Variants in FMN1 observed in about 807,000 individuals in gnomAD.
The protein encoded by FMN1 is formin 1, also known as formin-1.
FMN1 carries 110 observed loss-of-function variants against 132.4 expected under a neutral mutation model. That is an observed-to-expected ratio of 0.83 (90% CI 0.71 to 0.97). The LOEUF (loss-of-function observed/expected upper bound fraction) is 0.97. Among genes scored for constraint, FMN1 ranks in the 50% least tolerant of loss-of-function variants. The pLI is 0.00. For synonymous variants in FMN1, 722 were observed against 651.7 expected, an observed-to-expected ratio of 1.11 and a Z score of -1.64; for missense variants, 1,792 against 1,705.3, an observed-to-expected ratio of 1.05 and a Z score of -0.90.
At chr15:32,945,316 T>A (rs1405763701) in intron 9 of FMN1, among the ~76,000 whole-genome samples, 2 of 152,180 alleles carry the variant, frequency 1.3e-5, no homozygotes, top group Non-Finnish European at 2.9e-5. Flanking sequence ...AGTCCTTTAC[T>A]AAAGCTATTG....
At chr15:33,030,199 A>G (rs769960876) in intron 6 of FMN1, among the ~76,000 whole-genome samples, 1 of 152,202 alleles carries the variant, frequency 6.6e-6, no homozygotes, top group African/African-American at 2.4e-5. Context: ...TTAAGTAAAT[A>G]TAAGAGCCAG....
chr15:32,971,034 A>G (rs2031743636), intron 7 of FMN1, among the ~76,000 whole-genome samples: 2 of 152,192 alleles, frequency 1.3e-5, no homozygotes, highest in African/African-American at 2.4e-5. Context: ...GACTCACACC[A>G]CCTGGTTCAC....
At chr15:33,023,124 G>A (rs890528295) in intron 6 of FMN1, among the ~76,000 whole-genome samples, 38 of 136,498 alleles carry the variant, frequency 2.8e-4, no homozygotes, top group African/African-American at 8.6e-4. Context: ...GTCACCAGCC[G>A]ACTAAATCTG....
intron 5 of FMN1, among the ~76,000 whole-genome samples, chr15:33,082,460 CTT>C: frequency 6.6e-6 from 1 of 152,248 alleles, no homozygotes; most frequent in South Asian, 2.1e-4. Flanking sequence ...GGCCATACCT[CTT>C]TTTAGGGTCT....
chr15:32,889,704 C>G (rs981724707), intron 15 of FMN1, among the ~76,000 whole-genome samples: 9 of 145,318 alleles, frequency 6.2e-5, no homozygotes, highest in Admixed American at 4.1e-4. Flanking sequence ...CCCTAACCTC[C>G]AGCACGTGGG....
chr15:32,890,368 T>C (rs1247498843), intron 15 of FMN1, among the ~76,000 whole-genome samples: 1 of 152,244 alleles, frequency 6.6e-6, no homozygotes, highest in African/African-American at 2.4e-5. Context: ...ATACTGACTG[T>C]ACAAGTTTAC....
At position 32,972,093 on chromosome 15, in the gene FMN1, G is replaced by C. The variant is rs115475092; in HGVS notation, c.2224-2616C>G. 2.5e-3 allele frequency among the ~76,000 whole-genome samples: 384 copies of C among 152,260 alleles called. 1 individual carries two copies. Among genetic ancestry groups the C allele is most frequent in the African/African-American group, 8.6e-3 (358 of 41,550 alleles). ...CCTGACAGAGCGGATATGCCAGGGA[G>C]GCAAATTAATATACGTAAAAGAAAA... On this transcript the variant is annotated intron_variant, in intron 7 of 20. Coordinates refer to ENST00000616417, the MANE Select transcript of FMN1 (RefSeq NM_001277313.2).
intron 4 of FMN1, among the ~76,000 whole-genome samples, chr15:33,107,100 G>T (rs2039516893): frequency 6.6e-6 from 1 of 151,754 alleles, no homozygotes; most frequent in East Asian, 1.9e-4. Flanking sequence ...TAATTAAATA[G>T]CTCTCAGTTT....
chr15:33,125,671 C>CTG (rs1962989135), intron 4 of FMN1, among the ~76,000 whole-genome samples: 3 of 150,848 alleles, frequency 2.0e-5, no homozygotes, highest in Non-Finnish European at 4.4e-5. Flanking sequence ...GAAACCTCGT[C>CTG]TCTACTAAAA....
At chr15:33,143,632 C>A (rs1964095914) in intron 4 of FMN1, among the ~76,000 whole-genome samples, 1 of 152,172 alleles carries the variant, frequency 6.6e-6, no homozygotes, top group African/African-American at 2.4e-5. Context: ...CCATTTTACT[C>A]TGCTGGGTGG....
At chr15:32,867,616 C>A (rs2059421783) in intron 16 of FMN1, among the ~76,000 whole-genome samples, 1 of 152,108 alleles carries the variant, frequency 6.6e-6, no homozygotes, top group East Asian at 1.9e-4. Context: ...ACGCCATTCT[C>A]CTGCCTCAGC....
rs140314788 is a variant in FMN1 at position 32,931,389 on chromosome 15, A to G, written c.3139-5128T>C. ...TTTAAGCAATGTTTTATAGTTTTCA[A>G]AACTAGTCTGTACTAGTCTTTTACC... On this transcript the variant is annotated intron_variant, in intron 9 of 20. Transcript: ENST00000616417. Among the ~76,000 whole-genome samples the G allele has an allele frequency of 4.4e-3, 665 of 152,300 alleles. 2 individuals carry two copies. The highest frequency in any genetic ancestry group is 6.7e-3 in the Admixed American group (102 of 15,294).
intron 4 of FMN1, chr15:33,106,188 A>G (rs769698646): frequency 6.6e-6 from 1 of 151,918 alleles, no homozygotes; most frequent in South Asian, 2.1e-4. Context: ...ACCTGGCCCA[A>G]TATTACTATT....
At chr15:32,794,391 A>G (rs1374650283) in intron 19 of FMN1, among the ~76,000 whole-genome samples, 1 of 152,164 alleles carries the variant, frequency 6.6e-6, no homozygotes, top group Non-Finnish European at 1.5e-5. Flanking sequence ...CCCAGACTTT[A>G]TTCCTGGAGT....
At chr15:32,974,881 T>A (rs939831116) in intron 7 of FMN1, among the ~76,000 whole-genome samples, 25 of 152,222 alleles carry the variant, frequency 1.6e-4, no homozygotes, top group African/African-American at 6.0e-4. Context: ...AAAGGGAATG[T>A]TCCTTCATTG....
chr15:33,042,330 T>G (rs780906511), intron 6 of FMN1, among the ~76,000 whole-genome samples: 3 of 152,146 alleles, frequency 2.0e-5, no homozygotes, highest in Admixed American at 6.5e-5. Flanking sequence ...ATCTATAAAT[T>G]TAATAGAATT....
chr15:32,846,487 G>C (rs1398928071), intron 17 of FMN1, among the ~76,000 whole-genome samples: 2 of 152,158 alleles, frequency 1.3e-5, no homozygotes, highest in African/African-American at 4.8e-5. Context: ...GATCATTAGA[G>C]AAATGCAAAT....
intron 12 of FMN1, among the ~76,000 whole-genome samples, chr15:32,902,796 G>A (rs570358642): frequency 1.3e-5 from 2 of 152,170 alleles, no homozygotes; most frequent in African/African-American, 2.4e-5. Context: ...TGGAAAGAGC[G>A]ACATACTCTC....
intron 4 of FMN1, among the ~76,000 whole-genome samples, chr15:33,106,476 A>G (rs565926012): frequency 8.6e-5 from 13 of 152,016 alleles, no homozygotes; most frequent in Non-Finnish European, 1.3e-4. Flanking sequence ...TCATTCTGAT[A>G]TATCCCCAAA....
Sources: allele counts gnomAD v4.1 joint callset (sites outside exome capture counted in the v4.1 genomes callset), GRCh38; gene constraint gnomAD v4.1.1; transcripts MANE v1.5; gene names NCBI Gene and HGNC (gene_info 2026-07-23, HGNC 2026-07-21).